Variants in SPRR1A observed in about 807,000 individuals in gnomAD.
SPRR1A encodes the protein small proline rich protein 1A.
For synonymous variants in SPRR1A, 40 were observed against 39.2 expected (o/e 1.02, Z -0.07); for missense variants, 123 against 105.4 (o/e 1.17, Z -0.73).
Position 152,985,240 on chromosome 1 carries a change from C to T in SPRR1A, c.10C>T (p.Gln4Ter), listed in dbSNP as rs199891940. The change falls in exon 1 of 1, where the codon CAG becomes TAG. Residue 4 changes from glutamine (Q) to a stop codon, truncating the protein, a stop_gained. Coordinates refer to ENST00000368762, the Ensembl canonical transcript of SPRR1A. LOFTEE classifies it low-confidence loss of function (END_TRUNC). ...AAAACACATTTGAAGCATGAATTCT[C>T]AGCAGCAGAAGCAGCCTTGCACCCC... 1.2e-5 allele frequency: 20 copies of T among 1,607,546 alleles called. No homozygotes were observed. In the African/African-American group the frequency reaches 2.4e-4, roughly 19 times the overall value.
At chr1:152,984,132 C>A (rs549293010), upstream of SPRR1A, among the ~76,000 whole-genome samples, 3 of 152,238 alleles carry the variant, frequency 2.0e-5, no homozygotes, top group East Asian at 3.9e-4. Context: ...CCAGGTAAGT[C>A]TCTGATTGCA....
chr1:152,984,680 G>A (rs1028670921), upstream of SPRR1A, among the ~76,000 whole-genome samples: 1 of 152,050 alleles, frequency 6.6e-6, no homozygotes, highest in Non-Finnish European at 1.5e-5. Context: ...CTTGCTCAAG[G>A]AGACCCTCCT....
At chr1:152,984,395 A>G (rs1029352627), upstream of SPRR1A, among the ~76,000 whole-genome samples, 1 of 152,092 alleles carries the variant, frequency 6.6e-6, no homozygotes, top group African/African-American at 2.4e-5. Flanking sequence ...GCAGAACTAG[A>G]ACTCAGGCCC....
upstream of SPRR1A, among the ~76,000 whole-genome samples, chr1:152,984,643 G>C (rs1652252978): frequency 6.6e-6 from 1 of 152,260 alleles, no homozygotes; most frequent in East Asian, 1.9e-4. Flanking sequence ...GAGATGGGCA[G>C]AGAAGGGCTG....
downstream of SPRR1A, chr1:152,985,591 C>A: frequency 6.6e-7 from 1 of 1,521,490 alleles, no homozygotes; most frequent in Non-Finnish European, 8.8e-7. Context: ...GCCTATTGAC[C>A]CTGCAGTTAG....
chr1:152,985,590 C>T (rs531222877), downstream of SPRR1A: 131 of 1,522,880 alleles, frequency 8.6e-5, no homozygotes, highest in Non-Finnish European at 1.1e-4. Flanking sequence ...TGCCTATTGA[C>T]CCTGCAGTTA....
exon 1 of SPRR1A, chr1:152,985,456 A>G: frequency 6.2e-7 from 1 of 1,613,832 alleles, no homozygotes; most frequent in African/African-American, 1.3e-5. Flanking sequence ...CTGCCCTTCA[A>G]CGGTCACTCC....
chr1:152,984,576 A>G (rs1652251613), upstream of SPRR1A, among the ~76,000 whole-genome samples: 1 of 152,180 alleles, frequency 6.6e-6, no homozygotes, highest in Non-Finnish European at 1.5e-5. Flanking sequence ...CCTAGCAGGA[A>G]GGTAATACAT....
chr1:152,985,362 G>GGTGCCTGAGCCCTGCCACCCCAAA (rs760495329), exon 1 of SPRR1A: 10 of 1,563,864 alleles, frequency 6.4e-6, no homozygotes, highest in Non-Finnish European at 8.7e-6. Flanking sequence ...GCCACCCCAA[G>GGTGCCTGAGCCCTGCCACCCCAAA]GTGCCTGAGC....
chr1:152,985,569 T>C (rs1611766), downstream of SPRR1A: 1,762 of 1,538,938 alleles, frequency 1.1e-3, 24 homozygotes, highest in African/African-American at 0.021. Flanking sequence ...ATTCTGCTTA[T>C]GAATCCCATT....
chr1:152,985,195 C>A (rs1652267732), upstream of SPRR1A: 1 of 1,558,876 alleles, frequency 6.4e-7, no homozygotes, highest in Non-Finnish European at 8.7e-7. Context: ...ATCACTGTGT[C>A]AGCTTTCTGT....
downstream of SPRR1A, chr1:152,985,576 C>T: frequency 6.5e-7 from 1 of 1,534,410 alleles, no homozygotes; most frequent in Non-Finnish European, 8.8e-7. Context: ...TTATGAATCC[C>T]ATTTGCCTAT....
chr1:152,985,458 G>C (rs142988555), exon 1 of SPRR1A: 2 of 1,613,782 alleles, frequency 1.2e-6, no homozygotes, highest in Non-Finnish European at 1.7e-6. Context: ...GCCCTTCAAC[G>C]GTCACTCCAG....
chr1:152,985,225 T>A, upstream of SPRR1A: 1 of 1,596,810 alleles, frequency 6.3e-7, no homozygotes, highest in South Asian at 1.1e-5. Context: ...AAAACACATT[T>A]GAAGCATGAA....
downstream of SPRR1A, chr1:152,985,626 C>T (rs1044872237): frequency 6.9e-6 from 10 of 1,454,464 alleles, no homozygotes; most frequent in Admixed American, 2.6e-5. Context: ...GAATCATAAT[C>T]GCTCCTTTGC....
chr1:152,985,611 ACCCTGAATCATAATCGCT>A (rs1652294085), downstream of SPRR1A: 5 of 1,494,642 alleles, frequency 3.3e-6, no homozygotes, highest in Non-Finnish European at 4.5e-6. Flanking sequence ...GCATGCTGTC[ACCCTGAATCATAATCGCT>A]CCTTTGCACC....
upstream of SPRR1A, among the ~76,000 whole-genome samples, chr1:152,984,814 A>G (rs1413626999): frequency 1.3e-5 from 2 of 152,164 alleles, no homozygotes; most frequent in Non-Finnish European, 1.5e-5. Context: ...GCTTAGATGA[A>G]TATAAAGCCA....
chr1:152,984,203 G>C (rs554128024), upstream of SPRR1A, among the ~76,000 whole-genome samples: 6 of 152,202 alleles, frequency 3.9e-5, no homozygotes, highest in Non-Finnish European at 8.8e-5. Flanking sequence ...GCAAATATGT[G>C]TAAGCAGGTT....
upstream of SPRR1A, among the ~76,000 whole-genome samples, chr1:152,984,796 C>T (rs377196971): frequency 7.2e-5 from 11 of 152,104 alleles, no homozygotes; most frequent in East Asian, 1.6e-3. Context: ...AGAAGCAAAA[C>T]CATAGAGGCT....
Sources: allele counts gnomAD v4.1 joint callset (sites outside exome capture counted in the v4.1 genomes callset), GRCh38; gene constraint gnomAD v4.1.1; transcripts MANE v1.5; gene names NCBI Gene and HGNC (gene_info 2026-07-23, HGNC 2026-07-21).